The following ANK2 variants were observed in gnomAD, a reference collection of about 807,000 sequenced individuals.
ANK2 encodes ankyrin 2.
A neutral mutation model predicts 360.5 loss-of-function variants in ANK2; 83 were observed. That is an observed-to-expected ratio of 0.23 (90% CI 0.19 to 0.28). The LOEUF (loss-of-function observed/expected upper bound fraction) is 0.28. Ranked by LOEUF, ANK2 falls within the 10% of genes least tolerant of loss-of-function variation. The probability of loss-of-function intolerance (pLI) is 1.00; values close to 1 mark genes in which losing one functional copy is unlikely to be tolerated. For synonymous variants in ANK2, 1,740 were observed against 1,759.5 expected, an observed-to-expected ratio of 0.99 and a Z score of 0.28; for missense variants, 4,201 against 4,795.7, an observed-to-expected ratio of 0.88 and a Z score of 3.66.
chr4:112,738,981 A>G, the ANK2 span: 1 of 696,518 alleles, frequency 1.4e-6, no homozygotes, highest in African/African-American at 1.8e-5. Context: ...ATGTGCAACA[A>G]ATCTTACTGT....
At chr4:113,101,303 C>T (rs1263309726) in intron 1 of ANK2, among the ~76,000 whole-genome samples, 1 of 152,012 alleles carries the variant, frequency 6.6e-6, no homozygotes, top group Non-Finnish European at 1.5e-5. Context: ...ATATTTCTCC[C>T]TACACTGCCA....
intron 1 of ANK2, among the ~76,000 whole-genome samples, chr4:112,828,232 CT>C (rs751771907): frequency 0.12 from 13,263 of 109,226 alleles, 348 homozygotes; most frequent in Middle Eastern, 0.19. Context: ...GAATTACGGA[CT>C]TTTTTTTTTT....
intron 15 of ANK2, 137 bp downstream of exon 15, chr4:113,274,786 C>A: frequency 4.5e-6 from 4 of 886,328 alleles, no homozygotes; most frequent in Non-Finnish European, 7.2e-6. Flanking sequence ...ATTTAAGACT[C>A]ATTGTCTAAA....
chr4:113,233,725 A>T (rs961585179), intron 5 of ANK2, among the ~76,000 whole-genome samples: 1 of 146,870 alleles, frequency 6.8e-6, no homozygotes, highest in East Asian at 2.0e-4. Flanking sequence ...CTCGTTAGTT[A>T]AAAAAAAAAA....
intron 1 of ANK2, among the ~76,000 whole-genome samples, chr4:113,134,412 T>G (rs1024857919): frequency 1.3e-5 from 2 of 149,526 alleles, no homozygotes; most frequent in East Asian, 4.0e-4. Context: ...GGGGAGTGCA[T>G]AGAGATCTCT....
chr4:113,209,969 T>G (rs936012491), intron 4 of ANK2, among the ~76,000 whole-genome samples: 1 of 152,226 alleles, frequency 6.6e-6, no homozygotes, highest in African/African-American at 2.4e-5. Context: ...CAGGGGCTTC[T>G]GTGCCAGCAG....
chr4:112,888,562 T>G (rs2079059815), intron 1 of ANK2, among the ~76,000 whole-genome samples: 1 of 152,184 alleles, frequency 6.6e-6, no homozygotes, highest in African/African-American at 2.4e-5. Context: ...TGAAAATTTT[T>G]AATTTTGATA....
At chr4:112,719,131 A>G in the ANK2 span, among the ~76,000 whole-genome samples, 2 of 152,278 alleles carry the variant, frequency 1.3e-5, no homozygotes, top group African/African-American at 4.8e-5. Flanking sequence ...CCTCCCATCC[A>G]TTTGATGAGA....
At chr4:113,350,580 C>A (rs2095347676) in intron 37 of ANK2, 1 of 272,158 alleles carries the variant, frequency 3.7e-6, no homozygotes, top group Admixed American at 4.8e-5. Flanking sequence ...ACACTGTCAT[C>A]TCATCATTTT....
At chr4:112,912,646 G>A (rs917288864) in intron 2 of ANK2, among the ~76,000 whole-genome samples, 2 of 152,014 alleles carry the variant, frequency 1.3e-5, no homozygotes, top group African/African-American at 4.8e-5. Flanking sequence ...GTTTCTAGAA[G>A]ACCAAATTTG....
chr4:112,720,925 G>T, the ANK2 span, among the ~76,000 whole-genome samples: 1 of 152,164 alleles, frequency 6.6e-6, no homozygotes, highest in Admixed American at 6.5e-5. Flanking sequence ...TAGAAGTTTT[G>T]CCTAGCTGTT....
Position 113,335,857 on chromosome 4 carries a change from C to A in ANK2, c.3391C>A (p.Pro1131Thr), listed in dbSNP as rs976177554. The A allele has an allele frequency of 1.2e-6, 2 of 1,613,908 alleles. No homozygotes were observed. The highest frequency in any genetic ancestry group is 1.7e-6 in the Non-Finnish European group (2 of 1,179,948). Residue 1131 changes from proline (P) to threonine (T), a missense_variant, in exon 30 of 46, where the codon CCA (proline) becomes ACA (threonine). By Grantham distance (38) the Pro-to-Thr change is conservative (BLOSUM62 -1). Transcript: ENST00000357077. ...ATTTCTTGTCTTAGTACTGGATAGCCCAGAAGACCTAGAAAAGAAACGAAT... is the reference window on the plus strand; with the variant it reads ...ATTTCTTGTCTTAGTACTGGATAGCACAGAAGACCTAGAAAAGAAACGAAT... Reference protein sequence around the residue: ...LNGMDEVLDSPEDLEKKRICR... With the variant: ...LNGMDEVLDSTEDLEKKRICR...
At chr4:112,744,270 C>T in the ANK2 span, among the ~76,000 whole-genome samples, 1 of 151,838 alleles carries the variant, frequency 6.6e-6, no homozygotes, top group Admixed American at 6.6e-5. Context: ...GAATATTAGA[C>T]TTTATGAATA....
chr4:113,317,395 G>C (rs2153835756), intron 24 of ANK2: 1 of 392,462 alleles, frequency 2.5e-6, no homozygotes, highest in Non-Finnish European at 4.8e-6. Context: ...TGAATTTCTG[G>C]TACTGGCAGT....
intron 13 of ANK2, among the ~76,000 whole-genome samples, chr4:113,262,886 T>A (rs545483204): frequency 6.6e-6 from 1 of 151,696 alleles, no homozygotes; most frequent in Non-Finnish European, 1.5e-5. Flanking sequence ...GAGGGACAAC[T>A]GTAGTTAGAA....
intron 45 of ANK2, among the ~76,000 whole-genome samples, chr4:113,379,225 T>A (rs1364108858): frequency 1.3e-5 from 2 of 152,204 alleles, no homozygotes; most frequent in Non-Finnish European, 2.9e-5. Flanking sequence ...ATTATTCAGA[T>A]GAAACCACAT....
the ANK2 span, among the ~76,000 whole-genome samples, chr4:112,706,051 G>A: frequency 6.6e-6 from 1 of 150,952 alleles, no homozygotes; most frequent in African/African-American, 2.4e-5. Flanking sequence ...CGGAGACTCC[G>A]GGCGGGCGCG....
At position 112,901,568 on chromosome 4, in the gene ANK2, TAAAAG is replaced by T. The variant is rs1445135767; in HGVS notation, c.-39-2884_-39-2880del. ...CAACCTCAAAACAAAATCCCTGCCT[TAAAAG>T]AAGAAAAAGCCCAGCCATGGTGGCT... is the stretch of plus-strand genomic sequence containing the variant. On this transcript the variant is annotated intron_variant, in intron 1 of 30. Transcript: ENST00000503271. Among the ~76,000 whole-genome samples, 9 of 152,132 alleles carry T rather than the reference TAAAAG, an allele frequency of 5.9e-5. No individual in the cohort carries two copies. The South Asian group carries it at 1.7e-3, about 28-fold the overall frequency.
At chr4:113,199,169 T>A (rs997154531) in intron 4 of ANK2, 60 bp downstream of exon 4, 1 of 1,349,808 alleles carries the variant, frequency 7.4e-7, no homozygotes, top group Non-Finnish European at 1.1e-6. Context: ...TTTTGTGAAA[T>A]TGATTTAATG....
Sources: gnomAD v4.1 joint callset for allele counts (sites outside exome capture counted in the v4.1 genomes callset) on GRCh38, gnomAD v4.1.1 for gene constraint, MANE v1.5 for transcripts, NCBI Gene and HGNC (gene_info 2026-07-23, HGNC 2026-07-21) for gene names.